DHDDS: variants seen among roughly 807,000 people sequenced by gnomAD.
The protein encoded by DHDDS is dehydrodolichyl diphosphate synthase subunit, also known as dehydrodolichyl diphosphate synthase complex subunit DHDDS.
A neutral mutation model predicts 46.2 loss-of-function variants in DHDDS; 16 were observed. The ratio of observed to expected loss-of-function variants is 0.35; its 90% confidence interval spans 0.23 to 0.53. The LOEUF is 0.53. Ranked by LOEUF, DHDDS falls within the 20% of genes least tolerant of loss-of-function variation. The pLI is 0.94. For missense variants in DHDDS, 340 were observed against 423.7 expected (o/e 0.80, Z 1.73); for synonymous variants, 151 against 163.1 (o/e 0.93, Z 0.56).
chr1:26,466,757 T>A (rs2075493044), intron 8 of DHDDS, among the ~76,000 whole-genome samples: 1 of 152,340 alleles, frequency 6.6e-6, no homozygotes, highest in South Asian at 2.1e-4. Context: ...TTAGACTACT[T>A]AGCCCAGTCC....
chr1:26,462,055 ATTTTTTGTT>A (rs1330046723), intron 8 of DHDDS, among the ~76,000 whole-genome samples: 1 of 147,606 alleles, frequency 6.8e-6, no homozygotes, highest in Admixed American at 6.8e-5. Flanking sequence ...ATCACGTGCT[ATTTTTTGTT>A]TTTTTTTTTT....
intron 2 of DHDDS, among the ~76,000 whole-genome samples, chr1:26,435,934 G>A (rs1034840483): frequency 7.9e-5 from 12 of 152,078 alleles, no homozygotes; most frequent in Admixed American, 4.6e-4. Flanking sequence ...ATTTTTAGTA[G>A]AGATGGGGTT....
chr1:26,455,830 G>A (rs1570354658), intron 6 of DHDDS, among the ~76,000 whole-genome samples: 1 of 152,166 alleles, frequency 6.6e-6, no homozygotes, highest in South Asian at 2.1e-4. Flanking sequence ...AGATCTTTCT[G>A]CTTTCCTGAC....
chr1:26,441,074 G>T (rs1285820627), intron 3 of DHDDS, among the ~76,000 whole-genome samples: 1 of 151,930 alleles, frequency 6.6e-6, no homozygotes, highest in Admixed American at 6.6e-5. Context: ...ACAGGCCTGC[G>T]CCACCACACC....
At chr1:26,441,516 G>A (rs899304786) in intron 3 of DHDDS, among the ~76,000 whole-genome samples, 12 of 152,038 alleles carry the variant, frequency 7.9e-5, no homozygotes, top group Non-Finnish European at 1.8e-4. Context: ...ATTTCTTTTT[G>A]AGTTATAATT....
chr1:26,435,430 C>CTT (rs35735570), intron 2 of DHDDS, among the ~76,000 whole-genome samples: 329 of 62,542 alleles, frequency 5.3e-3, no homozygotes, highest in Non-Finnish European at 6.3e-3. Flanking sequence ...GAATTAGTGC[C>CTT]TTTTTTTTTT....
rs755293301 is a variant in DHDDS at position 26,466,784 on chromosome 1, GAACAGCT to G, written c.766-2105_766-2099del. ...GCCCAGTCCACAAGTGGCGGTGATA[GAACAGCT>G]AACAGTTAATAGCCAAGCAGTAGGC... On this transcript the variant is annotated intron_variant, in intron 8 of 8. Coordinates refer to ENST00000236342, the MANE Select transcript of DHDDS (RefSeq NM_205861.3). Among the ~76,000 whole-genome samples the G allele has an allele frequency of 7.4e-4, 112 of 152,348 alleles. 2 individuals carry two copies. The Middle Eastern group carries it at 0.01, about 14-fold the overall frequency.
At chr1:26,451,403 G>GGTGT (rs2075317524) in intron 6 of DHDDS, among the ~76,000 whole-genome samples, 1 of 102,212 alleles carries the variant, frequency 9.8e-6, no homozygotes, top group African/African-American at 3.8e-5. Flanking sequence ...TATGTATGTA[G>GGTGT]ATGTGTGTGT....
intron 4 of DHDDS, among the ~76,000 whole-genome samples, chr1:26,445,303 A>C (rs1007102525): frequency 6.6e-6 from 1 of 152,204 alleles, no homozygotes; most frequent in Non-Finnish European, 1.5e-5. Flanking sequence ...AGTACCCCAT[A>C]ATACAGCTCC....
At chr1:26,436,498 A>G (rs994595537) in intron 2 of DHDDS, among the ~76,000 whole-genome samples, 2 of 152,090 alleles carry the variant, frequency 1.3e-5, no homozygotes, top group Admixed American at 1.3e-4. Context: ...ATCTCGGCTT[A>G]CTGCAAGCTC....
intron 7 of DHDDS, among the ~76,000 whole-genome samples, chr1:26,458,692 C>A (rs1489196023): frequency 1.4e-5 from 2 of 143,792 alleles, no homozygotes; most frequent in African/African-American, 5.2e-5. Context: ...GAGGCGAGAT[C>A]GTGCCACTGC....
chr1:26,449,897 A>G (rs1455137040), intron 6 of DHDDS, among the ~76,000 whole-genome samples: 2 of 152,120 alleles, frequency 1.3e-5, no homozygotes, highest in African/African-American at 4.8e-5. Flanking sequence ...GGTGCCCTTC[A>G]CCATGCTAGG....
chr1:26,436,862 A>T (rs908633281), intron 2 of DHDDS, among the ~76,000 whole-genome samples: 12 of 151,964 alleles, frequency 7.9e-5, no homozygotes, highest in African/African-American at 2.9e-4. Context: ...TTGAATCCCT[A>T]TTTGCCTCTT....
chr1:26,458,099 C>T (rs928944092), intron 7 of DHDDS, among the ~76,000 whole-genome samples, 194 bp downstream of exon 7: 6 of 152,178 alleles, frequency 3.9e-5, no homozygotes, highest in Non-Finnish European at 7.3e-5. Context: ...CTGTCGCTGG[C>T]TTTGCGAATC....
chr1:26,443,058 A>T (rs202080021), intron 4 of DHDDS, 185 bp downstream of exon 4: 3 of 433,646 alleles, frequency 6.9e-6, no homozygotes, highest in African/African-American at 4.4e-5. Context: ...CTAACTTTTT[A>T]ATAAAAAAGG....
At position 26,439,539 on chromosome 1, in the gene DHDDS, G is replaced by A. The variant is rs558676084; in HGVS notation, c.180+1255G>A. 1.8e-4 allele frequency among the ~76,000 whole-genome samples: 27 copies of A among 151,986 alleles called. 1 individual carries two copies. In the South Asian group the frequency reaches 4.4e-3, roughly 25 times the overall value. On this transcript the variant is annotated intron_variant, in intron 3 of 8. Transcript: ENST00000236342. ...TGAGGCTGCAGTGAGCTGTGTTCAC[G>A]TCACCGCAATCCAACCTGGTGACAG...
intron 3 of DHDDS, among the ~76,000 whole-genome samples, chr1:26,441,166 G>A (rs963551858): frequency 5.3e-5 from 8 of 151,714 alleles, no homozygotes; most frequent in South Asian, 2.1e-4. Flanking sequence ...CTCGTGATCC[G>A]CCTGCCTTGG....
intron 8 of DHDDS, among the ~76,000 whole-genome samples, chr1:26,464,354 C>A (rs1459625345): frequency 2.0e-5 from 3 of 151,512 alleles, no homozygotes; most frequent in Admixed American, 6.5e-5. Flanking sequence ...GTATTGAGTT[C>A]TTACCACATG....
chr1:26,433,070 C>G, intron 2 of DHDDS, 62 bp downstream of exon 2: 1 of 1,565,034 alleles, frequency 6.4e-7, no homozygotes, highest in South Asian at 1.1e-5. Flanking sequence ...TATATAAAAA[C>G]CTGTTATTAA....
Sources: allele counts gnomAD v4.1 joint callset (sites outside exome capture counted in the v4.1 genomes callset), GRCh38; gene constraint gnomAD v4.1.1; transcripts MANE v1.5; gene names NCBI Gene and HGNC (gene_info 2026-07-23, HGNC 2026-07-21).